The following MSI2 variants were observed in gnomAD, a reference collection of about 807,000 sequenced individuals.
MSI2 encodes musashi RNA binding protein 2.
In MSI2, 17 loss-of-function variants were observed where a neutral mutation model predicts 45.6. That is an observed-to-expected ratio of 0.37 (90% confidence interval 0.26 to 0.56). The LOEUF (loss-of-function observed/expected upper bound fraction) is 0.56, where lower values mean the gene tolerates loss of function less well. Among genes scored for constraint, MSI2 ranks in the 20% least tolerant of loss-of-function variants. The probability of loss-of-function intolerance (pLI) is 0.77; values close to 1 mark genes in which losing one functional copy is unlikely to be tolerated. For synonymous variants in MSI2, 156 were observed against 158.2 expected (o/e 0.99, Z 0.11); for missense variants, 293 against 444.2 (o/e 0.66, Z 3.06).
intron 7 of MSI2, among the ~76,000 whole-genome samples, chr17:57,562,708 T>C (rs2087608242): frequency 6.6e-6 from 1 of 152,186 alleles, no homozygotes; most frequent in African/African-American, 2.4e-5. Flanking sequence ...ACAGGCAAAC[T>C]GGTGGCTAAC....
Position 57,627,337 on chromosome 17 carries a change from A to T in MSI2, c.727+34A>T. ...CTTGGTCTCCCAGGGCTTTGGAAGCACAAGAGGTGGGCTGCATTTGCGGGG... is the reference window on the plus strand; with the variant it reads ...CTTGGTCTCCCAGGGCTTTGGAAGCTCAAGAGGTGGGCTGCATTTGCGGGG... On this transcript the variant is annotated intron_variant, in intron 10 of 13. Coordinates refer to ENST00000284073, the MANE Select transcript of MSI2 (RefSeq NM_138962.4). The surrounding 1 kb of genome is among the most constrained non-coding windows in gnomAD (Gnocchi z 4.6). The T allele has an allele frequency of 1.9e-6, 3 of 1,598,016 alleles. No homozygotes were observed. The highest frequency in any genetic ancestry group is 2.6e-6 in the Non-Finnish European group (3 of 1,165,310).
rs546853130 is a variant in MSI2, at chr17:57,356,890, A to G, written c.313-44489A>G. On this transcript the variant is annotated intron_variant, in intron 5 of 13. Transcript: ENST00000284073. ...GAAAAAAAAAATTAAACAGGTGATTAGCAGCTGCTTTCGGTTTTGAATGTC... is the reference window on the plus strand; with the variant it reads ...GAAAAAAAAAATTAAACAGGTGATTGGCAGCTGCTTTCGGTTTTGAATGTC... 2.6e-5 allele frequency among the ~76,000 whole-genome samples: 4 copies of G among 152,288 alleles called. No homozygotes were observed. The South Asian group carries it at 8.3e-4, about 32-fold the overall frequency.
intron 5 of MSI2, among the ~76,000 whole-genome samples, chr17:57,394,899 GGGACAGCT>G (rs1469276510): frequency 2.0e-5 from 3 of 152,206 alleles, no homozygotes; most frequent in African/African-American, 7.2e-5. Flanking sequence ...TTAGTTTTGT[GGGACAGCT>G]GTAACAAATT....
chr17:57,385,368 CTGAAACAAGCAATGATATT>C (rs1341833969), intron 5 of MSI2, among the ~76,000 whole-genome samples: 1 of 152,222 alleles, frequency 6.6e-6, no homozygotes, highest in African/African-American at 2.4e-5. Context: ...AGTTTAGTGC[CTGAAACAAGCAATGATATT>C]CCATGCTGCT....
At chr17:57,347,083 T>C (rs1432070711) in intron 5 of MSI2, among the ~76,000 whole-genome samples, 1 of 152,238 alleles carries the variant, frequency 6.6e-6, no homozygotes, top group Non-Finnish European at 1.5e-5. Context: ...GTTATGCTTA[T>C]GTCTTTTCAT....
At chr17:57,582,027 GCT>G (rs2088220573) in intron 7 of MSI2, among the ~76,000 whole-genome samples, 1 of 152,158 alleles carries the variant, frequency 6.6e-6, no homozygotes, top group South Asian at 2.1e-4. Context: ...ACTGTGTGCT[GCT>G]CAGTCAGGAG....
chr17:57,349,785 G>A (rs1377580292), intron 5 of MSI2, among the ~76,000 whole-genome samples: 1 of 152,190 alleles, frequency 6.6e-6, no homozygotes, highest in Non-Finnish European at 1.5e-5. Flanking sequence ...CATTAGTCAT[G>A]GTAAGCTTAG....
chr17:57,370,544 T>A (rs1187524763), intron 5 of MSI2, among the ~76,000 whole-genome samples: 2 of 152,200 alleles, frequency 1.3e-5, no homozygotes, highest in African/African-American at 4.8e-5. Flanking sequence ...TATCAGGAGT[T>A]AGTCCTAAGA....
intron 5 of MSI2, among the ~76,000 whole-genome samples, chr17:57,372,134 G>T (rs978588424): frequency 3.9e-5 from 6 of 152,084 alleles, no homozygotes; most frequent in African/African-American, 1.4e-4. Flanking sequence ...GAAGGGGAAG[G>T]CTTAATTTAA....
intron 5 of MSI2, among the ~76,000 whole-genome samples, chr17:57,276,580 G>A (rs1199072528): frequency 1.3e-5 from 2 of 152,226 alleles, no homozygotes; most frequent in African/African-American, 4.8e-5. Flanking sequence ...CTAAAGAAGT[G>A]CAAAGCATTC....
intron 6 of MSI2, among the ~76,000 whole-genome samples, chr17:57,506,731 T>C (rs2086237483): frequency 6.6e-6 from 1 of 152,198 alleles, no homozygotes; most frequent in African/African-American, 2.4e-5. Flanking sequence ...GTTGAGCAAA[T>C]CTGGAGCTTG....
At chr17:57,594,023 C>G (rs1905069625) in intron 7 of MSI2, among the ~76,000 whole-genome samples, 2 of 152,190 alleles carry the variant, frequency 1.3e-5, no homozygotes, top group Admixed American at 1.3e-4. Context: ...AGTCTTGAGG[C>G]AAAGCAGTGA....
At chr17:57,349,584 A>G (rs1168495520) in intron 5 of MSI2, among the ~76,000 whole-genome samples, 1 of 152,222 alleles carries the variant, frequency 6.6e-6, no homozygotes, top group Non-Finnish European at 1.5e-5. Context: ...AAATACTTGA[A>G]TGATCTGCTT....
At chr17:57,442,315 G>A (rs923833040) in intron 6 of MSI2, among the ~76,000 whole-genome samples, 2 of 152,200 alleles carry the variant, frequency 1.3e-5, no homozygotes, top group African/African-American at 2.4e-5. Flanking sequence ...GATTACAGGC[G>A]TGAGCCACTG....
intron 6 of MSI2, among the ~76,000 whole-genome samples, chr17:57,520,647 A>T (rs1335356072): frequency 6.6e-6 from 1 of 151,998 alleles, no homozygotes; most frequent in Non-Finnish European, 1.5e-5. Context: ...AATTTTTTTC[A>T]TTTAGGAGAT....
upstream of MSI2, chr17:57,255,911 G>A (rs35185932): frequency 1.3e-5 from 2 of 152,136 alleles, no homozygotes; most frequent in Non-Finnish European, 2.9e-5. Flanking sequence ...TGTTTGTGCA[G>A]GAGGGTCTCC....
Position 57,652,142 on chromosome 17 carries a change from G to A in MSI2, c.771G>A (p.Val257=), listed in dbSNP as rs770952071. 6 of 1,614,096 alleles carry A rather than the reference G, an allele frequency of 3.7e-6. No homozygotes were observed. The South Asian group carries it at 6.6e-5, about 18-fold the overall frequency. Residue 257 remains valine, a synonymous_variant, in exon 11 of 14, where the codon GTG becomes GTA. Transcript: ENST00000284073. The surrounding 1 kb of genome is among the most constrained non-coding windows in gnomAD (Gnocchi z 4.1). The part of the protein sequence containing the change: ...AAYGPVAAAA[V]AAARGSGSNP... ...ATGGACCAGTGGCAGCAGCGGCGGT[G>A]GCGGCAGCAAGAGGATCAGGTAGGA... is the stretch of plus-strand genomic sequence containing the variant.
chr17:57,696,252 G>T, the MSI2 span, among the ~76,000 whole-genome samples: 914 of 152,350 alleles, frequency 6.0e-3, 11 homozygotes, highest in African/African-American at 0.021. Flanking sequence ...GCCTGGCATG[G>T]ATCCAGCTGG....
chr17:57,355,145 T>G (rs534397070), intron 5 of MSI2, among the ~76,000 whole-genome samples: 15 of 152,308 alleles, frequency 9.8e-5, no homozygotes, highest in African/African-American at 3.4e-4. Context: ...ACCATGGCTC[T>G]CTCTGTCCCT....
Sources: gnomAD v4.1 joint callset for allele counts (sites outside exome capture counted in the v4.1 genomes callset) on GRCh38, gnomAD v4.1.1 for gene constraint, Gnocchi (gnomAD v3.1) non-coding constraint, MANE v1.5 for transcripts, NCBI Gene and HGNC (gene_info 2026-07-23, HGNC 2026-07-21) for gene names.